The following HYAL4 variants were observed in gnomAD, a reference collection of about 807,000 sequenced individuals.
The protein encoded by HYAL4 is hyaluronidase-4.
In HYAL4, 37 loss-of-function variants were observed where a neutral mutation model predicts 35.2. The ratio of observed to expected loss-of-function variants is 1.05; its 90% confidence interval spans 0.81 to 1.38. The LOEUF (loss-of-function observed/expected upper bound fraction) is 1.38. HYAL4 is among the 40% of genes most tolerant of loss of function. The probability of loss-of-function intolerance (pLI) is 0.00; values close to 1 mark genes in which losing one functional copy is unlikely to be tolerated. For synonymous variants in HYAL4, 198 were observed against 203.2 expected (o/e 0.97, Z 0.22); for missense variants, 572 against 572.4 (o/e 1.00, Z 0.01).
chr7:123,796,446 A>G, the HYAL4 span, among the ~76,000 whole-genome samples: 3 of 152,242 alleles, frequency 2.0e-5, no homozygotes, highest in Admixed American at 6.5e-5. Flanking sequence ...ATGAGATGCT[A>G]TCAGTTCTAT....
chr7:123,876,263 A>C (rs1807021139), intron 4 of HYAL4, among the ~76,000 whole-genome samples: 1 of 152,240 alleles, frequency 6.6e-6, no homozygotes, highest in South Asian at 2.1e-4. Context: ...TGGTGGCATA[A>C]GATGATTTGA....
At chr7:123,764,990 C>T in the HYAL4 span, among the ~76,000 whole-genome samples, 1 of 152,062 alleles carries the variant, frequency 6.6e-6, no homozygotes, top group Admixed American at 6.6e-5. Flanking sequence ...CCAGCAATAA[C>T]ATATTATAAT....
chr7:123,846,272 G>C (rs1324370008), intron 1 of HYAL4, among the ~76,000 whole-genome samples: 2 of 151,984 alleles, frequency 1.3e-5, no homozygotes, highest in African/African-American at 2.4e-5. Flanking sequence ...CAGGGGGGCA[G>C]GGCTAGGCAT....
At chr7:123,801,579 C>A in the HYAL4 span, among the ~76,000 whole-genome samples, 1 of 152,120 alleles carries the variant, frequency 6.6e-6, no homozygotes, top group Non-Finnish European at 1.5e-5. Context: ...TATTTCTAAG[C>A]AGTTTAAACG....
the HYAL4 span, among the ~76,000 whole-genome samples, chr7:123,803,758 C>A: frequency 6.6e-6 from 1 of 152,202 alleles, no homozygotes; most frequent in Non-Finnish European, 1.5e-5. Context: ...TGTACACCCC[C>A]AAATCAGTGT....
the HYAL4 span, among the ~76,000 whole-genome samples, chr7:123,818,617 T>C: frequency 6.6e-6 from 1 of 152,210 alleles, no homozygotes; most frequent in Non-Finnish European, 1.5e-5. Flanking sequence ...AGAAAAGGAA[T>C]TGAAATCTAT....
chr7:123,829,586 A>T (rs1386030106), intron 1 of HYAL4, among the ~76,000 whole-genome samples: 1 of 152,222 alleles, frequency 6.6e-6, no homozygotes, highest in Non-Finnish European at 1.5e-5. Flanking sequence ...ACCTGCTCTC[A>T]GGGAGCTTAA....
At chr7:123,828,848 G>A (rs1183792471), upstream of HYAL4, 1 of 152,460 alleles carries the variant, frequency 6.6e-6, no homozygotes, top group Non-Finnish European at 1.5e-5. Context: ...CCACACAAAT[G>A]CTCCTCCTCC....
At chr7:123,875,696 T>A (rs1806998758) in intron 4 of HYAL4, among the ~76,000 whole-genome samples, 2 of 150,350 alleles carry the variant, frequency 1.3e-5, no homozygotes. Flanking sequence ...TTTATATGGC[T>A]CTTCAAATTT....
At chr7:123,789,768 A>G in the HYAL4 span, among the ~76,000 whole-genome samples, 1 of 152,180 alleles carries the variant, frequency 6.6e-6, no homozygotes, top group Non-Finnish European at 1.5e-5. Context: ...ATGAATACAT[A>G]TATGTATGTA....
At chr7:123,853,388 T>C (rs1236645946) in intron 2 of HYAL4, among the ~76,000 whole-genome samples, 3 of 152,186 alleles carry the variant, frequency 2.0e-5, no homozygotes, top group Non-Finnish European at 4.4e-5. Flanking sequence ...ATAGCTCTTA[T>C]TGTATTGAGA....
the HYAL4 span, among the ~76,000 whole-genome samples, chr7:123,764,946 G>A: frequency 1.3e-5 from 2 of 152,082 alleles, no homozygotes; most frequent in South Asian, 2.1e-4. Context: ...GATGCTTAAT[G>A]ATAGAAATAT....
At chr7:123,844,247 AGGTC>A (rs1806128344), upstream of HYAL4, 2 of 152,346 alleles carry the variant, frequency 1.3e-5, no homozygotes, top group African/African-American at 4.8e-5. Flanking sequence ...TCTAACAGTC[AGGTC>A]CCTCAGCTGC....
chr7:123,870,323 A>G (rs1806842444), intron 3 of HYAL4, among the ~76,000 whole-genome samples: 1 of 152,252 alleles, frequency 6.6e-6, no homozygotes, highest in Non-Finnish European at 1.5e-5. Flanking sequence ...AATATGGTAA[A>G]TACCATACCT....
At chr7:123,806,489 C>T in the HYAL4 span, among the ~76,000 whole-genome samples, 3 of 151,964 alleles carry the variant, frequency 2.0e-5, no homozygotes, top group African/African-American at 7.3e-5. Context: ...TGTTGTCCAG[C>T]CTGGAGTGCA....
chr7:123,841,671 G>A (rs541988231), upstream of HYAL4, among the ~76,000 whole-genome samples: 4 of 151,802 alleles, frequency 2.6e-5, no homozygotes, highest in Non-Finnish European at 5.9e-5. Flanking sequence ...CAATTTCAGA[G>A]CCTGTTATTG....
chr7:123,800,422 G>A, the HYAL4 span, among the ~76,000 whole-genome samples: 2 of 147,940 alleles, frequency 1.4e-5, no homozygotes, highest in East Asian at 4.0e-4. Context: ...GCCCACCTCG[G>A]CCTCCCAAAA....
intron 1 of HYAL4, among the ~76,000 whole-genome samples, chr7:123,836,651 T>TTC (rs1805967574): frequency 6.6e-6 from 1 of 151,940 alleles, no homozygotes; most frequent in African/African-American, 2.4e-5. Context: ...CTTTTTTTTT[T>TTC]CAATGTCTTT....
chr7:123,844,534 G>A (rs1386394685), upstream of HYAL4, among the ~76,000 whole-genome samples: 4 of 152,140 alleles, frequency 2.6e-5, no homozygotes, highest in Admixed American at 1.3e-4. Context: ...GAGCTCAAAC[G>A]CGGTGCTGGG....
Sources: allele counts gnomAD v4.1 joint callset (sites outside exome capture counted in the v4.1 genomes callset), GRCh38; gene constraint gnomAD v4.1.1; transcripts MANE v1.5; gene names NCBI Gene and HGNC (gene_info 2026-07-23, HGNC 2026-07-21).